The following NETO1 variants were observed in gnomAD, a reference collection of about 807,000 sequenced individuals.
NETO1 encodes neuropilin and tolloid like 1.
A neutral mutation model predicts 61.3 loss-of-function variants in NETO1; 26 were observed. The ratio of observed to expected loss-of-function variants is 0.42; its 90% CI spans 0.31 to 0.59. The LOEUF is 0.59. NETO1 is among the 20% of genes least tolerant of loss of function. The probability of loss-of-function intolerance (pLI) is 0.12; values close to 1 mark genes in which losing one functional copy is unlikely to be tolerated. For missense variants in NETO1, 531 were observed against 662.8 expected (o/e 0.80, Z 2.18); for synonymous variants, 225 against 225.8 (o/e 1.00, Z 0.03).
At chr18:72,843,444 T>C (rs151097356) in intron 4 of NETO1, among the ~76,000 whole-genome samples, 71 of 152,252 alleles carry the variant, frequency 4.7e-4, no homozygotes, top group African/African-American at 1.5e-3. Flanking sequence ...ATCCTGATAA[T>C]AGAGATACTA....
chr18:72,782,813 AT>A (rs1568196083), intron 7 of NETO1, among the ~76,000 whole-genome samples: 2 of 152,142 alleles, frequency 1.3e-5, no homozygotes, highest in Admixed American at 6.5e-5. Context: ...TCAAAAAAAA[AT>A]AATAATAAAT....
In NETO1 at chr18:72,745,973, A is replaced by C. The variant is rs917857422; in HGVS notation, c.*2206T>G. On this transcript the variant is annotated 3_prime_UTR_variant, in exon 11 of 11. Coordinates refer to ENST00000327305, the MANE Select transcript of NETO1 (RefSeq NM_138966.5). ...GCTGTGTGTTAAATATATGTGAGCT[A>C]TTCATTCTTATTATTATACTTCATT... The C allele has an allele frequency of 1.2e-4, 19 of 152,282 alleles. No individual in the cohort carries two copies. The highest frequency in any genetic ancestry group is 4.3e-4 in the African/African-American group (18 of 41,566). 9.4% of individuals were successfully genotyped at this position (152,282 alleles called of 1,614,324 possible).
At chr18:72,836,812 T>C (rs1329708442) in intron 4 of NETO1, among the ~76,000 whole-genome samples, 1 of 152,168 alleles carries the variant, frequency 6.6e-6, no homozygotes, top group Non-Finnish European at 1.5e-5. Flanking sequence ...CAGATTTTTG[T>C]TTCGTGTATC....
chr18:72,795,268 TC>T (rs1257268978), intron 4 of NETO1, among the ~76,000 whole-genome samples: 46 of 152,336 alleles, frequency 3.0e-4, no homozygotes, highest in African/African-American at 1.0e-3. Context: ...AAAGTTTTCC[TC>T]GTAATAGAGA....
intron 4 of NETO1, among the ~76,000 whole-genome samples, chr18:72,806,961 G>T (rs1363766920): frequency 1.3e-5 from 2 of 152,128 alleles, no homozygotes; most frequent in Non-Finnish European, 2.9e-5. Flanking sequence ...TTTACTCAAG[G>T]TTGAAAACCA....
At chr18:72,812,044 TGTAA>T (rs1478161150) in intron 4 of NETO1, among the ~76,000 whole-genome samples, 1 of 152,194 alleles carries the variant, frequency 6.6e-6, no homozygotes, top group Non-Finnish European at 1.5e-5. Context: ...AAACCGCAAT[TGTAA>T]GTGTGATGCT....
chr18:72,867,129 G>A, intron 1 of NETO1, 135 bp downstream of exon 1: 4 of 613,268 alleles, frequency 6.5e-6, no homozygotes, highest in Non-Finnish European at 1.0e-5. Flanking sequence ...GAAAGTTTAC[G>A]TCGGCCCCGA....
intron 7 of NETO1, among the ~76,000 whole-genome samples, chr18:72,762,738 G>A (rs529174386): frequency 2.0e-5 from 3 of 151,352 alleles, no homozygotes; most frequent in South Asian, 4.2e-4. Flanking sequence ...ACTTACATCA[G>A]ACTTCAGTGA....
chr18:72,836,265 C>T (rs143748612), intron 4 of NETO1, among the ~76,000 whole-genome samples: 230 of 152,264 alleles, frequency 1.5e-3, no homozygotes, highest in African/African-American at 5.3e-3. Context: ...CATTCTTCTG[C>T]GTGGTTGACT....
chr18:72,800,829 T>C (rs1230202445), intron 4 of NETO1, among the ~76,000 whole-genome samples: 3 of 152,158 alleles, frequency 2.0e-5, no homozygotes, highest in Non-Finnish European at 1.5e-5. Context: ...AATAATACAG[T>C]TACTTTACCC....
intron 7 of NETO1, among the ~76,000 whole-genome samples, chr18:72,772,552 C>T (rs67156915): frequency 0.32 from 48,449 of 150,616 alleles, 8,323 homozygotes; most frequent in South Asian, 0.47. Flanking sequence ...GAATTCTAGT[C>T]CAAAAAAGGA....
chr18:72,757,278 A>G (rs2070814853), intron 7 of NETO1, among the ~76,000 whole-genome samples: 1 of 152,166 alleles, frequency 6.6e-6, no homozygotes, highest in African/African-American at 2.4e-5. Flanking sequence ...TATATTACAT[A>G]AGTTTTAGAG....
Position 72,756,158 on chromosome 18 carries a change from G to A in NETO1, c.869-11C>T, listed in dbSNP as rs750288696. 4 of 1,375,744 alleles carry A rather than the reference G, an allele frequency of 2.9e-6. No individual in the cohort carries two copies. The South Asian group carries it at 4.7e-5, about 16-fold the overall frequency. The allele number at this position is 1,375,744 out of a possible 1,614,324, so 85.2% of individuals were successfully genotyped here. On this transcript the variant is annotated splice_polypyrimidine_tract_variant and intron_variant, in intron 7 of 10. Transcript: ENST00000327305. ...TGCCTTCACAAGGAGCTAAAAAGAA[G>A]AAGAACAAGACAAAGGAGGAAAGTT...
chr18:72,855,218 G>C (rs1394196775), intron 4 of NETO1, among the ~76,000 whole-genome samples: 2 of 152,204 alleles, frequency 1.3e-5, no homozygotes, highest in African/African-American at 2.4e-5. Context: ...TACACAGAAA[G>C]AAGAGAACTC....
intron 7 of NETO1, among the ~76,000 whole-genome samples, chr18:72,776,803 A>T (rs1263123777): frequency 6.6e-6 from 1 of 152,130 alleles, no homozygotes; most frequent in Non-Finnish European, 1.5e-5. Flanking sequence ...ACTAACCCTA[A>T]CGCTAACTTC....
At chr18:72,827,927 T>C (rs2073436942) in intron 4 of NETO1, among the ~76,000 whole-genome samples, 1 of 152,162 alleles carries the variant, frequency 6.6e-6, no homozygotes. Context: ...GTTGAAGTTG[T>C]TTTGGTCAGA....
In NETO1 at chr18:72,748,049, G is replaced by T; in HGVS notation, c.*130C>A. The stretch of plus-strand genomic sequence containing the variant: ...CTTGCCGAAGGAATAACAAATGTCT[G>T]TAATTCTTAAGTTTGGATAAAGGCA... On this transcript the variant is annotated 3_prime_UTR_variant, in exon 11 of 11. Coordinates refer to ENST00000327305, the MANE Select transcript of NETO1 (RefSeq NM_138966.5). 1.3e-6 allele frequency: 1 copy of T among 742,476 alleles called. No homozygotes were observed. Among genetic ancestry groups the T allele is most frequent in the Non-Finnish European group, 1.6e-6 (1 of 608,088 alleles). 46.0% of individuals were successfully genotyped at this position (742,476 alleles called of 1,614,324 possible). A position where few individuals can be genotyped will look rare whatever the true frequency, so the allele number is the denominator to read the frequency against.
chr18:72,831,072 C>T (rs532473025), intron 4 of NETO1, among the ~76,000 whole-genome samples: 3 of 152,264 alleles, frequency 2.0e-5, no homozygotes, highest in Non-Finnish European at 4.4e-5. Context: ...GCTCTTCTGG[C>T]CAGCCATTTC....
intron 4 of NETO1, among the ~76,000 whole-genome samples, chr18:72,824,203 G>C (rs925359587): frequency 2.6e-5 from 4 of 152,124 alleles, no homozygotes; most frequent in Admixed American, 1.3e-4. Context: ...AGTAAATAGA[G>C]CTCCCAGAAT....
Sources: allele counts gnomAD v4.1 joint callset (sites outside exome capture counted in the v4.1 genomes callset), GRCh38; gene constraint gnomAD v4.1.1; transcripts MANE v1.5; gene names NCBI Gene and HGNC (gene_info 2026-07-23, HGNC 2026-07-21).